The following NSUN2 variants were observed in gnomAD, a reference collection of about 807,000 sequenced individuals.
NSUN2 encodes the protein RNA cytosine C(5)-methyltransferase NSUN2.
In NSUN2, 63 loss-of-function variants were observed where a neutral mutation model predicts 92.7. The ratio of observed to expected loss-of-function variants is 0.68; its 90% CI spans 0.56 to 0.84. NSUN2 has a LOEUF of 0.84. Among genes scored for constraint, NSUN2 ranks in the 40% least tolerant of loss-of-function variants. The pLI is 0.00. For synonymous variants in NSUN2, 356 were observed against 348.3 expected (o/e 1.02, Z -0.25); for missense variants, 989 against 964.9 (o/e 1.02, Z -0.33).
chr5:6,632,784 G>A (rs762201685), intron 1 of NSUN2, 28 bp from the exon 2 acceptor site: 10 of 1,605,080 alleles, frequency 6.2e-6, no homozygotes, highest in East Asian at 2.3e-5. Context: ...CGTCTACCCC[G>A]AGGCCCAAGG....
Position 6,604,229 on chromosome 5 carries a change from T to C in NSUN2, c.1866A>G (p.Val622=). 1 of 1,607,234 alleles carries C rather than the reference T, an allele frequency of 6.2e-7. No homozygotes were observed. ...ACAGTATCTTAACATCTTCCATTGATACAGTAATAATTCTTGAGTTAATAA... is the reference window on the plus strand; with the variant it reads ...ACAGTATCTTAACATCTTCCATTGACACAGTAATAATTCTTGAGTTAATAA... ...YPFINSRIIT[V]SMEDVKILLT... Residue 622 remains valine (V), a synonymous_variant, in exon 17 of 19, where the codon GTA becomes GTG. Coordinates refer to ENST00000264670, the MANE Select transcript of NSUN2 (RefSeq NM_017755.6).
At chr5:6,632,314 C>T (rs564460833) in intron 2 of NSUN2, among the ~76,000 whole-genome samples, 35 of 152,282 alleles carry the variant, frequency 2.3e-4, no homozygotes, top group African/African-American at 8.4e-4. Context: ...TATAAATTCT[C>T]TTACGTTCCA....
rs776480888 is a variant in NSUN2 at position 6,632,645 on chromosome 5, G to A, written c.208C>T (p.Leu70Phe). Residue 70 changes from leucine to phenylalanine, a missense_variant, in exon 2 of 19, where the codon CTC (leucine) becomes TTC (phenylalanine). By Grantham distance (22) the Leu-to-Phe change is conservative (BLOSUM62 0). Coordinates refer to ENST00000264670, the MANE Select transcript of NSUN2 (RefSeq NM_017755.6). ...AAAGTGGCCGGGAGCGGCTCCCTGA[G>A]AGCGTCCATGAACTGGCCCCACTCG... ...EGEWGQFMDALREPLPATLRI... is the reference protein window; with the variant it reads ...EGEWGQFMDAFREPLPATLRI... 2.5e-6 allele frequency: 4 copies of A among 1,614,168 alleles called. No individual in the cohort carries two copies. The South Asian group carries it at 3.3e-5, about 13-fold the overall frequency.
chr5:6,601,748 C>A (rs1736565583), intron 18 of NSUN2, among the ~76,000 whole-genome samples: 1 of 152,136 alleles, frequency 6.6e-6, no homozygotes, highest in Non-Finnish European at 1.5e-5. Context: ...GTGGTTCTAC[C>A]TATTCACTCC....
intron 14 of NSUN2, among the ~76,000 whole-genome samples, chr5:6,605,625 C>A (rs933416768): frequency 6.6e-6 from 1 of 152,088 alleles, no homozygotes; most frequent in African/African-American, 2.4e-5. Flanking sequence ...CATCAGAAAC[C>A]TAAATTAACA....
rs552700532 is a variant in NSUN2, at chr5:6,627,355, C to T, written c.360-1686G>A. Among the ~76,000 whole-genome samples, 15 of 152,330 alleles carry T rather than the reference C, an allele frequency of 9.8e-5. No individual in the cohort carries two copies. In the East Asian group the frequency reaches 2.9e-3, roughly 29 times the overall value. On this transcript the variant is annotated intron_variant, in intron 3 of 18. Coordinates refer to ENST00000264670, the MANE Select transcript of NSUN2 (RefSeq NM_017755.6). ...AATGCCAGCTCATATAGTATCTGGTCTTCCTGAACTTGTCTGTCTCAAAGC... is the reference window on the plus strand; with the variant it reads ...AATGCCAGCTCATATAGTATCTGGTTTTCCTGAACTTGTCTGTCTCAAAGC...
intron 10 of NSUN2, 53 bp from the exon 11 acceptor site, chr5:6,611,138 A>G: frequency 1.2e-6 from 2 of 1,600,394 alleles, no homozygotes; most frequent in African/African-American, 2.7e-5. Flanking sequence ...AATACCAACA[A>G]AAATCACAGG....
chr5:6,621,850 C>T (rs562766743), intron 6 of NSUN2, 166 bp downstream of exon 6: 17 of 601,854 alleles, frequency 2.8e-5, no homozygotes, highest in East Asian at 2.0e-4. Context: ...GTACTACTGA[C>T]GGTGGTAGGC....
chr5:6,613,708 G>A (rs1180356273), intron 9 of NSUN2, among the ~76,000 whole-genome samples: 2 of 152,142 alleles, frequency 1.3e-5, no homozygotes, highest in Non-Finnish European at 2.9e-5. Flanking sequence ...TAATAAAGGT[G>A]CGATTTTGGC....
intron 17 of NSUN2, among the ~76,000 whole-genome samples, chr5:6,603,522 T>C (rs948116040): frequency 6.6e-6 from 1 of 152,088 alleles, no homozygotes; most frequent in Admixed American, 6.5e-5. Flanking sequence ...AAACCCCGTC[T>C]CTACTAAAAA....
rs541383352 is a variant in NSUN2, at chr5:6,611,959, C to T, written c.1022-161G>A. Among the ~76,000 whole-genome samples the T allele has an allele frequency of 4.6e-5, 7 of 152,068 alleles. No homozygotes were observed. The East Asian group carries it at 7.7e-4, about 17-fold the overall frequency. On this transcript the variant is annotated intron_variant, in intron 9 of 18. Transcript: ENST00000264670. ...CGACAGAAAGTGGATGAGTGGCCGA[C>T]GGGGTGGATGAGTGGCCGATGGGGC...
Position 6,620,275 on chromosome 5 carries a change from C to T in NSUN2, c.646G>A (p.Val216Met). The stretch of plus-strand genomic sequence containing the variant: ...AGCAGGTAGCAGCGCTTGTTGTCCA[C>T]ATCATTCGCAATAACAAATCCCTCT... ...FPEGFVIAND[V>M]DNKRCYLLVH... Residue 216 changes from valine (V) to methionine (M), a missense_variant, in exon 7 of 19, where the codon GTG (valine) becomes ATG (methionine). By Grantham distance (21) the Val-to-Met change is conservative. Coordinates refer to ENST00000264670, the MANE Select transcript of NSUN2 (RefSeq NM_017755.6). 2 of 1,594,982 alleles carry T rather than the reference C, an allele frequency of 1.3e-6. No homozygotes were observed. The highest frequency in any genetic ancestry group is 1.7e-6 in the Non-Finnish European group (2 of 1,171,930).
chr5:6,607,032 T>G, intron 13 of NSUN2, 120 bp from the exon 14 acceptor site: 2 of 969,244 alleles, frequency 2.1e-6, no homozygotes, highest in Non-Finnish European at 3.2e-6. Context: ...CGGCAGATGT[T>G]GAAACCTTCC....
chr5:6,603,456 C>T lies in NSUN2; in HGVS notation c.1957+682G>A, dbSNP rs536600273. ...CCTGTAATCCCAGCACTTTGGGAGG[C>T]TGAGACAGGCAGATCACAAGGTCAG... On this transcript the variant is annotated intron_variant, in intron 17 of 18. Transcript: ENST00000264670. Among the ~76,000 whole-genome samples, 10 of 152,338 alleles carry T rather than the reference C, an allele frequency of 6.6e-5. No homozygotes were observed. In the East Asian group the frequency reaches 1.9e-3, roughly 29 times the overall value.
chr5:6,612,247 G>T (rs865839340), intron 9 of NSUN2, among the ~76,000 whole-genome samples: 7 of 152,216 alleles, frequency 4.6e-5, no homozygotes, highest in Non-Finnish European at 1.0e-4. Context: ...TGGGCTGCAG[G>T]ACGCCTGCTC....
intron 18 of NSUN2, 63 bp from the exon 19 acceptor site, chr5:6,600,295 G>GT: frequency 6.9e-7 from 1 of 1,452,368 alleles, no homozygotes; most frequent in African/African-American, 1.4e-5. Flanking sequence ...CGAATGAGAT[G>GT]TAATATGCAA....
chr5:6,631,512 C>T (rs1244175418), intron 3 of NSUN2, among the ~76,000 whole-genome samples: 2 of 152,188 alleles, frequency 1.3e-5, no homozygotes, highest in South Asian at 2.1e-4. Flanking sequence ...TACCAGGAGA[C>T]TGTTGTCAAG....
Position 6,609,852 on chromosome 5 carries a change from T to C in NSUN2, c.1297A>G (p.Met433Val), listed in dbSNP as rs1736916655. 3 of 1,613,698 alleles carry C rather than the reference T, an allele frequency of 1.9e-6. No homozygotes were observed. The highest frequency in any genetic ancestry group is 3.3e-5 in the Admixed American group (2 of 59,952). The change falls in exon 12 of 19, where the codon ATG becomes GTG. Residue 433 changes from methionine to valine, a missense_variant. Coordinates refer to ENST00000264670, the MANE Select transcript of NSUN2 (RefSeq NM_017755.6). ...FVAVLVKKSS[M>V]PWNKRQPKLQ... ...TTTGGCTGACGTTTATTCCACGGCA[T>C]TGAAGATTTTTTCACCAATACTGCC...
Position 6,600,016 on chromosome 5 carries a change from T to C in NSUN2, c.2214A>G (p.Ala738=). 1 of 1,614,246 alleles carries C rather than the reference T, an allele frequency of 6.2e-7. No individual in the cohort carries two copies. The highest frequency in any genetic ancestry group is 2.2e-5 in the East Asian group (1 of 44,880). Residue 738 remains alanine, a synonymous_variant, in exon 19 of 19, where the codon GCA becomes GCG. Transcript: ENST00000264670. ...CTGCATCTGGGCTGTTGGGCTCTCC[T>C]GCTCTCTGTCCCTCAGTCACGTCAT... ...PDNDVTEGQR[A]GEPNSPDAEE... is the part of the protein sequence containing the mutation.
Sources: allele counts gnomAD v4.1 joint callset (sites outside exome capture counted in the v4.1 genomes callset), GRCh38; gene constraint gnomAD v4.1.1; transcripts MANE v1.5; gene names NCBI Gene and HGNC (gene_info 2026-07-23, HGNC 2026-07-21).